The following GRM7 variants were observed in gnomAD, a reference collection of about 807,000 sequenced individuals.
The protein encoded by GRM7 is glutamate metabotropic receptor 7.
GRM7 carries 35 observed loss-of-function variants against 84.5 expected under a neutral mutation model. The ratio of observed to expected loss-of-function variants is 0.41; its 90% CI spans 0.32 to 0.55. The LOEUF (loss-of-function observed/expected upper bound fraction) is 0.55, where lower values mean the gene tolerates loss of function less well. Among genes scored for constraint, GRM7 ranks in the 20% least tolerant of loss-of-function variants. The probability of loss-of-function intolerance (pLI) is 0.19; values close to 1 mark genes in which losing one functional copy is unlikely to be tolerated. For missense variants in GRM7, 1,003 were observed against 1,194.6 expected (o/e 0.84, Z 2.36); for synonymous variants, 487 against 455.1 (o/e 1.07, Z -0.89).
At chr3:7,325,188 G>A (rs1392193711) in intron 4 of GRM7, among the ~76,000 whole-genome samples, 2 of 152,164 alleles carry the variant, frequency 1.3e-5, no homozygotes, top group Non-Finnish European at 2.9e-5. Flanking sequence ...TCTGGGTATT[G>A]AAAGTTCTCA....
At chr3:7,109,293 A>G (rs1442293074) in intron 1 of GRM7, among the ~76,000 whole-genome samples, 1 of 152,160 alleles carries the variant, frequency 6.6e-6, no homozygotes, top group African/African-American at 2.4e-5. Context: ...ATAAATAAGT[A>G]TAAAAAGAGT....
intron 2 of GRM7, among the ~76,000 whole-genome samples, chr3:7,285,304 T>C (rs1699391358): frequency 6.6e-6 from 1 of 152,210 alleles, no homozygotes; most frequent in South Asian, 2.1e-4. Context: ...AAAAGGCAGA[T>C]GGCTTTTAGT....
At chr3:7,219,339 C>T (rs954683940) in intron 2 of GRM7, among the ~76,000 whole-genome samples, 7 of 152,142 alleles carry the variant, frequency 4.6e-5, no homozygotes, top group East Asian at 1.9e-4. Context: ...GCTCATATAA[C>T]GGCTGCATCT....
chr3:7,290,426 A>G (rs907802225), intron 2 of GRM7, among the ~76,000 whole-genome samples: 3 of 152,208 alleles, frequency 2.0e-5, no homozygotes, highest in Non-Finnish European at 2.9e-5. Context: ...TATAATGCAA[A>G]TGTTTCTCAG....
chr3:7,673,520 A>AG (rs1463594542), intron 8 of GRM7, among the ~76,000 whole-genome samples: 2 of 151,324 alleles, frequency 1.3e-5, no homozygotes, highest in African/African-American at 2.4e-5. Flanking sequence ...TGACAGTTAA[A>AG]AAAAAAAAAA....
intron 2 of GRM7, among the ~76,000 whole-genome samples, chr3:7,256,018 C>T (rs1575087613): frequency 6.6e-6 from 1 of 152,286 alleles, no homozygotes; most frequent in South Asian, 2.1e-4. Context: ...AATGTCCCTG[C>T]CTGACTCTCG....
At chr3:6,876,161 G>A (rs1039215508) in intron 1 of GRM7, among the ~76,000 whole-genome samples, 2 of 152,064 alleles carry the variant, frequency 1.3e-5, no homozygotes, top group East Asian at 1.9e-4. Context: ...CCAGTTACTC[G>A]GGAGGCTGAG....
rs191951864 is a variant in GRM7, at chr3:7,099,540, T to C, written c.520-46912T>C. ...TGTATATGTACACGCATTATACATG[T>C]ACACATATATGTATATGTACACGCA... On this transcript the variant is annotated intron_variant, in intron 1 of 9. Transcript: ENST00000357716. Among the ~76,000 whole-genome samples, 314 of 148,088 alleles carry C rather than the reference T, an allele frequency of 2.1e-3. 1 individual carries two copies. The highest frequency in any genetic ancestry group is 7.3e-3 in the African/African-American group (295 of 40,152).
intron 4 of GRM7, among the ~76,000 whole-genome samples, chr3:7,311,626 C>T (rs992476568): frequency 6.7e-5 from 10 of 149,006 alleles, no homozygotes; most frequent in Non-Finnish European, 1.2e-4. Context: ...TGGAGTCTCG[C>T]TTTGTCACCC....
chr3:6,952,137 T>C (rs1056744864), intron 1 of GRM7, among the ~76,000 whole-genome samples: 6 of 152,140 alleles, frequency 3.9e-5, no homozygotes, highest in African/African-American at 1.4e-4. Context: ...TGATATTACT[T>C]GGGAAACAGT....
chr3:7,452,558 TTGTGTGTGTGTGTGTGTG>T (rs111752136), intron 5 of GRM7, 31 bp from the exon 6 acceptor site: 1 of 1,006,702 alleles, frequency 9.9e-7, no homozygotes, highest in Non-Finnish European at 1.6e-6. Context: ...CAATGCCAAT[TTGTGTGTGTGTGTGTGTG>T]TGTGTGTGTG....
chr3:7,016,443 A>C (rs1411402874), intron 1 of GRM7, among the ~76,000 whole-genome samples: 1 of 152,104 alleles, frequency 6.6e-6, no homozygotes, highest in African/African-American at 2.4e-5. Flanking sequence ...GGGAAACAGA[A>C]ATTGAGGAGG....
intron 1 of GRM7, among the ~76,000 whole-genome samples, chr3:6,900,852 AC>A (rs1696357549): frequency 6.6e-6 from 1 of 152,176 alleles, no homozygotes; most frequent in African/African-American, 2.4e-5. Flanking sequence ...ACACACCACG[AC>A]CTAGCCCTGC....
At chr3:7,013,083 T>C (rs1203980199) in intron 1 of GRM7, among the ~76,000 whole-genome samples, 1 of 151,900 alleles carries the variant, frequency 6.6e-6, no homozygotes, top group African/African-American at 2.4e-5. Flanking sequence ...CACACCTCTT[T>C]TGCCCTACCA....
intron 8 of GRM7, among the ~76,000 whole-genome samples, chr3:7,635,866 G>A (rs1390372139): frequency 6.6e-6 from 1 of 151,816 alleles, no homozygotes; most frequent in Non-Finnish European, 1.5e-5. Flanking sequence ...TATACAGATA[G>A]GGTCTCACTA....
intron 2 of GRM7, among the ~76,000 whole-genome samples, chr3:7,258,432 T>A (rs965551456): frequency 2.0e-5 from 3 of 152,050 alleles, no homozygotes; most frequent in African/African-American, 7.2e-5. Context: ...ACATATAGGC[T>A]ACAAGAGAGG....
intron 5 of GRM7, 49 bp from the exon 6 acceptor site, chr3:7,452,558 T>TTGTGTGTG (rs111752136): frequency 6.9e-6 from 7 of 1,007,254 alleles, no homozygotes; most frequent in African/African-American, 4.8e-5. Flanking sequence ...CAATGCCAAT[T>TTGTGTGTG]TGTGTGTGTG....
intron 8 of GRM7, among the ~76,000 whole-genome samples, chr3:7,619,175 T>A (rs2125086628): frequency 6.6e-6 from 1 of 152,262 alleles, no homozygotes; most frequent in African/African-American, 2.4e-5. Context: ...TAGTCCTTAA[T>A]GAAGGTAATT....
At chr3:6,941,150 G>A (rs1465405703) in intron 1 of GRM7, among the ~76,000 whole-genome samples, 2 of 152,122 alleles carry the variant, frequency 1.3e-5, no homozygotes, top group Non-Finnish European at 2.9e-5. Flanking sequence ...CTGGGAACCC[G>A]AAAGGCCAAG....
Sources: gnomAD v4.1 joint callset for allele counts (sites outside exome capture counted in the v4.1 genomes callset) on GRCh38, gnomAD v4.1.1 for gene constraint, MANE v1.5 for transcripts, NCBI Gene and HGNC (gene_info 2026-07-23, HGNC 2026-07-21) for gene names.